The following IBTK variants were observed in gnomAD, a reference collection of about 807,000 sequenced individuals.
IBTK encodes the protein inhibitor of Bruton tyrosine kinase, also known as BTK-binding protein.
Under a neutral mutation model 154.9 loss-of-function variants are expected in IBTK, and 83 were observed. The ratio of observed to expected loss-of-function variants is 0.54; its 90% CI spans 0.45 to 0.64. The LOEUF is 0.64. Ranked by LOEUF, IBTK falls within the 30% of genes least tolerant of loss-of-function variation. The pLI is 0.00. For synonymous variants in IBTK, 515 were observed against 536.1 expected, an observed-to-expected ratio of 0.96 and a Z score of 0.54; for missense variants, 1,332 against 1,584.6, an observed-to-expected ratio of 0.84 and a Z score of 2.71.
rs562334397 is a variant in IBTK, at chr6:82,245,319, T to A, written c.-358+2243A>T. 2.6e-4 allele frequency among the ~76,000 whole-genome samples: 39 copies of A among 152,152 alleles called. No homozygotes were observed. In the South Asian group the frequency reaches 8.1e-3, roughly 32 times the overall value. ...CATGCCTGTAGTCCCAACACTTTGT[T>A]AGGCTGAGGCAGGCAAATCACTTGA... On this transcript the variant is annotated intron_variant, in intron 1 of 28. Transcript: ENST00000306270.
chr6:82,196,265 G>A (rs1394641188), intron 22 of IBTK, 33 bp downstream of exon 22: 1 of 1,498,312 alleles, frequency 6.7e-7, no homozygotes, highest in African/African-American at 1.4e-5. Flanking sequence ...TCTAAAATCT[G>A]AAGGTAAGGA....
chr6:82,214,855 T>A (rs751001693), intron 11 of IBTK, 26 bp from the exon 12 acceptor site: 4 of 1,521,900 alleles, frequency 2.6e-6, no homozygotes, highest in Non-Finnish European at 2.6e-6. Context: ...AAACAAATTA[T>A]GCTTCAAAAA....
intron 23 of IBTK, among the ~76,000 whole-genome samples, chr6:82,192,092 TAA>T (rs1768790476): frequency 6.6e-6 from 1 of 152,140 alleles, no homozygotes; most frequent in Admixed American, 6.6e-5. Flanking sequence ...TCCAAAATGT[TAA>T]GTGATATAGC....
chr6:82,196,820 C>G (rs1769005297), intron 21 of IBTK, among the ~76,000 whole-genome samples: 1 of 152,184 alleles, frequency 6.6e-6, no homozygotes, highest in African/African-American at 2.4e-5. Flanking sequence ...CCTTTCTCAT[C>G]TGTCTCTTGG....
intron 10 of IBTK, 56 bp from the exon 11 acceptor site, chr6:82,216,306 G>T: frequency 1.8e-6 from 2 of 1,101,182 alleles, no homozygotes; most frequent in Non-Finnish European, 2.6e-6. Flanking sequence ...CTACTAAAAT[G>T]ATTGAGAAGT....
intron 11 of IBTK, 34 bp downstream of exon 11, chr6:82,216,042 T>C (rs1200794589): frequency 6.6e-7 from 1 of 1,506,596 alleles, no homozygotes. Flanking sequence ...GATTGTTCCT[T>C]CTAAAAAATG....
intron 16 of IBTK, among the ~76,000 whole-genome samples, chr6:82,208,638 G>C (rs1769505817): frequency 6.6e-6 from 1 of 152,118 alleles, no homozygotes; most frequent in African/African-American, 2.4e-5. Flanking sequence ...AGTTACTTGG[G>C]AGGCTGAGGT....
intron 8 of IBTK, among the ~76,000 whole-genome samples, chr6:82,222,505 A>ATAT (rs1241945972): frequency 6.6e-6 from 1 of 152,210 alleles, no homozygotes; most frequent in Non-Finnish European, 1.5e-5. Context: ...AAATGGTAAC[A>ATAT]TATTAGTCTG....
At chr6:82,209,718 A>T (rs563000041) in intron 16 of IBTK, among the ~76,000 whole-genome samples, 2 of 152,322 alleles carry the variant, frequency 1.3e-5, no homozygotes, top group Non-Finnish European at 2.9e-5. Context: ...TTATCATGCA[A>T]ATAATTTCTC....
intron 26 of IBTK, among the ~76,000 whole-genome samples, chr6:82,178,211 G>A (rs1378718533): frequency 6.6e-6 from 1 of 152,118 alleles, no homozygotes; most frequent in Non-Finnish European, 1.5e-5. Context: ...ATATCATACT[G>A]TCATAAACTC....
rs778125280 is a variant in IBTK, at chr6:82,170,345, C to T, written c.*1080G>A. 6.6e-6 allele frequency: 1 copy of T among 152,542 alleles called. No homozygotes were observed. Among genetic ancestry groups the T allele is most frequent in the Non-Finnish European group, 1.5e-5 (1 of 68,048 alleles). The allele number at this position is 152,542 out of a possible 1,614,324, so 9.4% of individuals were successfully genotyped here. A position where few individuals can be genotyped will look rare whatever the true frequency, so the allele number is the denominator to read the frequency against. ...GTCAGTTTCCGTCATTTTACATCAA[C>T]TAAATTATAGCAGTGAATTGCTTAT... On this transcript the variant is annotated 3_prime_UTR_variant, in exon 29 of 29. Coordinates refer to ENST00000306270, the MANE Select transcript of IBTK (RefSeq NM_015525.4).
intron 1 of IBTK, among the ~76,000 whole-genome samples, chr6:82,242,951 CAAAACAA>C (rs1771008793): frequency 6.9e-6 from 1 of 143,930 alleles, no homozygotes; most frequent in Admixed American, 7.0e-5. Context: ...CAAAACAAAA[CAAAACAA>C]AAGACGGGCA....
intron 25 of IBTK, among the ~76,000 whole-genome samples, chr6:82,184,722 C>T (rs1768476459): frequency 6.6e-6 from 1 of 152,144 alleles, no homozygotes; most frequent in African/African-American, 2.4e-5. Flanking sequence ...AGTGAAAATC[C>T]TACCACAACC....
At chr6:82,185,890 T>C (rs1372306363) in intron 25 of IBTK, among the ~76,000 whole-genome samples, 1 of 152,206 alleles carries the variant, frequency 6.6e-6, no homozygotes. Context: ...GTTACTGTGT[T>C]TTTAAACAGG....
intron 18 of IBTK, 51 bp downstream of exon 18, chr6:82,202,470 CTATTATA>C: frequency 1.1e-6 from 1 of 880,120 alleles, no homozygotes; most frequent in Non-Finnish European, 1.9e-6. Context: ...ATAATATCTG[CTATTATA>C]TATAAATATC....
Position 82,240,476 on chromosome 6 carries a change from G to C in IBTK, c.11C>G (p.Pro4Arg). 2 of 1,611,944 alleles carry C rather than the reference G, an allele frequency of 1.2e-6. No individual in the cohort carries two copies. Among genetic ancestry groups the C allele is most frequent in the Non-Finnish European group, 1.7e-6 (2 of 1,179,322 alleles). ...ACACTTTGATGTGCAGTCAGGCATG[G>C]GTGAACTCATCCTAACTGTTTTTAT... MSS[P>R]MPDCTSKCRS... The change falls in exon 2 of 29, where the codon CCC becomes CGC. Residue 4 changes from proline (P) to arginine (R), a missense_variant. Coordinates refer to ENST00000306270, the MANE Select transcript of IBTK (RefSeq NM_015525.4).
Position 82,240,312 on chromosome 6 carries a change from C to A in IBTK, c.175G>T (p.Val59Phe). The A allele has an allele frequency of 6.2e-7, 1 of 1,614,204 alleles. No individual in the cohort carries two copies. Among genetic ancestry groups the A allele is most frequent in the Non-Finnish European group, 8.5e-7 (1 of 1,180,028 alleles). Residue 59 changes from valine to phenylalanine, a missense_variant, in exon 2 of 29, where the codon GTT becomes TTT. Coordinates refer to ENST00000306270, the MANE Select transcript of IBTK (RefSeq NM_015525.4). ...ACTCCTTTCTTTCCACAGGAGGAAA[C>A]AAGGTGGAGGGCATTCCTGCCAAAA... ...DVFGRNALHL[V>F]SSCGKKGVLD...
chr6:82,190,972 A>G, intron 25 of IBTK, 101 bp downstream of exon 25: 1 of 816,998 alleles, frequency 1.2e-6, no homozygotes, highest in Non-Finnish European at 1.7e-6. Flanking sequence ...ACTTGAAAAG[A>G]CTTTAGAAAC....
chr6:82,191,159 C>A lies in IBTK; in HGVS notation c.3489G>T (p.Leu1163Phe). The change falls in exon 25 of 29, where the codon TTG (leucine) becomes TTT (phenylalanine). Residue 1163 changes from leucine to phenylalanine, a missense_variant. Around this residue, in one of 3 missense-constraint regions of IBTK, gnomAD observed 1,134 missense variants for 1,274.7 expected, o/e 0.89. Coordinates refer to ENST00000306270, the MANE Select transcript of IBTK (RefSeq NM_015525.4). ...TTCCTGAATTGTTTTCCTTGGTAGT[C>A]AATGCAATCATTTTTCGTTGCTTCT... ...LSQKQRKMIA[L>F]TTKENNSGMN... 1.9e-6 allele frequency: 3 copies of A among 1,609,222 alleles called. No individual in the cohort carries two copies. Among genetic ancestry groups the A allele is most frequent in the South Asian group, 1.1e-5 (1 of 90,216 alleles).
Sources: gnomAD v4.1 joint callset for allele counts (sites outside exome capture counted in the v4.1 genomes callset) on GRCh38, gnomAD v4.1.1 for gene constraint, gnomAD v4.1.1 regional missense constraint, MANE v1.5 for transcripts, NCBI Gene and HGNC (gene_info 2026-07-23, HGNC 2026-07-21) for gene names.